The following ZC3H10 variants were observed in gnomAD, a reference collection of about 807,000 sequenced individuals.
ZC3H10 encodes the protein zinc finger CCCH-type containing 10.
Under a neutral mutation model 24.3 loss-of-function variants are expected in ZC3H10, and 12 were observed. That is an observed-to-expected ratio of 0.49 (90% CI 0.32 to 0.80). The LOEUF (loss-of-function observed/expected upper bound fraction) is 0.80. Among genes scored for constraint, ZC3H10 ranks in the 30% least tolerant of loss-of-function variants. The pLI is 0.04. For synonymous variants in ZC3H10, 226 were observed against 217.0 expected (o/e 1.04, Z -0.36); for missense variants, 360 against 576.3 (o/e 0.62, Z 3.84).
rs1869804012 is a variant in ZC3H10 at position 56,121,083 on chromosome 12, G to A, written c.521G>A (p.Gly174Asp). Residue 174 changes from glycine (G) to aspartate (D), a missense_variant, in exon 3 of 3, where the codon GGT becomes GAT. Gly to Asp is a moderately conservative substitution (Grantham distance 94). Around this residue, in one of 3 missense-constraint regions of ZC3H10, gnomAD observed 101 missense variants for 110.8 expected, o/e 0.91. Transcript: ENST00000257940. This position sits in a 1 kb window ranked among gnomAD's most constrained non-coding sequence, Gnocchi z 6.2. ...GATGCTCGGGGTGGAGGAGGCACTG[G>A]TGGGGGCTCAACAGGCTCAGTCCTC... ...EFDARGGGGT[G>D]GGSTGSVLPG... is the part of the protein sequence containing the mutation. 2 of 1,614,088 alleles carry A rather than the reference G, an allele frequency of 1.2e-6. No homozygotes were observed. The highest frequency in any genetic ancestry group is 1.7e-5 in the Admixed American group (1 of 60,010).
rs1869978232 is a variant in ZC3H10 at position 56,125,908 on chromosome 12, C to A, written c.*4041C>A. The A allele has an allele frequency of 6.6e-6, 1 of 151,948 alleles. No homozygotes were observed. Among genetic ancestry groups the A allele is most frequent in the South Asian group, 2.1e-4 (1 of 4,806 alleles). The allele number at this position is 151,948 out of a possible 1,614,324, so 9.4% of individuals were successfully genotyped here. ...TCAAGTGATTCTCCTGCCTCAGCCT[C>A]CCAAGTAGAGTAACTGGGATTACAG... On this transcript the variant is annotated 3_prime_UTR_variant, in exon 3 of 3. Coordinates refer to ENST00000257940, the MANE Select transcript of ZC3H10 (RefSeq NM_032786.3).
chr12:56,121,188 G>A lies in ZC3H10; in HGVS notation c.626G>A (p.Arg209His). 7 of 1,614,070 alleles carry A rather than the reference G, an allele frequency of 4.3e-6. No homozygotes were observed. The highest frequency in any genetic ancestry group is 5.9e-6 in the Non-Finnish European group (7 of 1,180,030). The change falls in exon 3 of 3, where the codon CGC (arginine) becomes CAC (histidine). Residue 209 changes from arginine (R) to histidine (H), a missense_variant. Coordinates refer to ENST00000257940, the MANE Select transcript of ZC3H10 (RefSeq NM_032786.3). The surrounding 1 kb of genome is among the most constrained non-coding windows in gnomAD (Gnocchi z 6.2). ...GAGGACCATGAGCCAGGCCCAAAAC[G>A]CCGGCGAGGTGGATGCTGCCCCCCT... ...GFEDHEPGPK[R>H]RRGGCCPPDG...
At position 56,123,830 on chromosome 12, in the gene ZC3H10, T is replaced by C. The variant is rs917477895; in HGVS notation, c.*1963T>C. On this transcript the variant is annotated 3_prime_UTR_variant, in exon 3 of 3. Transcript: ENST00000257940. ...ACTTTATTTCCTCCTTGCCAGGTTA[T>C]CTCCAAAGAGGTAGATTTGGGAAAT... is the stretch of plus-strand genomic sequence containing the variant. The C allele has an allele frequency of 2.6e-5, 4 of 152,216 alleles. No homozygotes were observed. Among genetic ancestry groups the C allele is most frequent in the Non-Finnish European group, 5.9e-5 (4 of 68,040 alleles). 9.4% of individuals were successfully genotyped at this position (152,216 alleles called of 1,614,324 possible). A position where few individuals can be genotyped will look rare whatever the true frequency, so the allele number is the denominator to read the frequency against.
rs1236526597 is a variant in ZC3H10, at chr12:56,120,555, G to A, written c.-8G>A. On this transcript the variant is annotated 5_prime_UTR_variant, in exon 3 of 3. Coordinates refer to ENST00000257940, the MANE Select transcript of ZC3H10 (RefSeq NM_032786.3). ...GATAAAGAAAACCCTGAGTTGGGCG[G>A]GACCAGGATGCCTGACCGGGACAGC... The A allele has an allele frequency of 2.0e-6, 3 of 1,530,170 alleles. No individual in the cohort carries two copies. The highest frequency in any genetic ancestry group is 2.6e-6 in the Non-Finnish European group (3 of 1,143,498). The allele number at this position is 1,530,170 out of a possible 1,614,324, so 94.8% of individuals were successfully genotyped here.
chr12:56,119,708 TAAAG>T (rs1869752322), intron 2 of ZC3H10: 1 of 151,914 alleles, frequency 6.6e-6, no homozygotes, highest in Non-Finnish European at 1.5e-5. Context: ...AGTCTATAAA[TAAAG>T]AGGATCTTTC....
rs1241508454 is a variant in ZC3H10, at chr12:56,121,158, G to A, written c.596G>A (p.Gly199Asp). The A allele has an allele frequency of 6.2e-7, 1 of 1,614,198 alleles. No homozygotes were observed. The highest frequency in any genetic ancestry group is 1.1e-5 in the South Asian group (1 of 91,086). ...GATATCTATGACCTTCCTGACAGGG[G>A]CTTTGAGGACCATGAGCCAGGCCCA... is the stretch of plus-strand genomic sequence containing the variant. ...LYDIYDLPDR[G>D]FEDHEPGPKR... Residue 199 changes from glycine to aspartate, a missense_variant, in exon 3 of 3, where the codon GGC becomes GAC. This residue lies in a region of ZC3H10 where 101 missense variants were observed against 110.8 expected (regional missense o/e 0.91). Coordinates refer to ENST00000257940, the MANE Select transcript of ZC3H10 (RefSeq NM_032786.3). The surrounding 1 kb of genome is among the most constrained non-coding windows in gnomAD (Gnocchi z 6.2).
rs932558687 is a variant in ZC3H10 at position 56,124,239 on chromosome 12, TAAACA to T, written c.*2376_*2380del. On this transcript the variant is annotated 3_prime_UTR_variant, in exon 3 of 3. Transcript: ENST00000257940. ...TTGCACACTGACCTTGTTTTGTGCT[TAAACA>T]AAATTGTGTAGTGATTTTGTTTTTT... is the stretch of plus-strand genomic sequence containing the variant. The T allele has an allele frequency of 6.6e-6, 1 of 152,270 alleles. No homozygotes were observed. Among genetic ancestry groups the T allele is most frequent in the Non-Finnish European group, 1.5e-5 (1 of 68,046 alleles). The allele number at this position is 152,270 out of a possible 1,614,324, so 9.4% of individuals were successfully genotyped here.
Position 56,124,032 on chromosome 12 carries a change from T to G in ZC3H10, c.*2165T>G, listed in dbSNP as rs1046444522. ...TAGGAACGACTTAGAGAACTTAGAC[T>G]TTGGTTAAGTGATTTTGGGGAAGAT... On this transcript the variant is annotated 3_prime_UTR_variant, in exon 3 of 3. Coordinates refer to ENST00000257940, the MANE Select transcript of ZC3H10 (RefSeq NM_032786.3). The G allele has an allele frequency of 3.9e-5, 6 of 152,206 alleles. No homozygotes were observed. The highest frequency in any genetic ancestry group is 1.4e-4 in the African/African-American group (6 of 41,446). The allele number at this position is 152,206 out of a possible 1,614,324, so 9.4% of individuals were successfully genotyped here.
At position 56,120,775 on chromosome 12, in the gene ZC3H10, G is replaced by A; in HGVS notation, c.213G>A (p.Val71=). 1 of 1,614,172 alleles carries A rather than the reference G, an allele frequency of 6.2e-7. No individual in the cohort carries two copies. Among genetic ancestry groups the A allele is most frequent in the Non-Finnish European group, 8.5e-7 (1 of 1,180,028 alleles). The change falls in exon 3 of 3, where the codon GTG becomes GTA. Residue 71 remains valine, a synonymous_variant. Coordinates refer to ENST00000257940, the MANE Select transcript of ZC3H10 (RefSeq NM_032786.3). ...PDMSEVSNLG[V]SKNEFIFCHD... ...TGAGCGAGGTGTCCAACTTGGGGGT[G>A]AGCAAAAACGAGTTCATCTTCTGCC...
chr12:56,120,706 T>C lies in ZC3H10; in HGVS notation c.144T>C (p.Asn48=), dbSNP rs373362361. The change falls in exon 3 of 3, where the codon AAT becomes AAC. Residue 48 remains asparagine (N), a synonymous_variant. Transcript: ENST00000257940. ...SDAICRDFLR[N]VCKRGKRCRY... ...CCATCTGTAGAGACTTCTTGAGGAA[T>C]GTGTGCAAGCGAGGCAAGCGTTGCC... is the stretch of plus-strand genomic sequence containing the variant. The C allele has an allele frequency of 7.4e-6, 12 of 1,613,790 alleles. No homozygotes were observed. Among genetic ancestry groups the C allele is most frequent in the East Asian group, 2.2e-5 (1 of 44,870 alleles).
chr12:56,124,728 A>C lies in ZC3H10; in HGVS notation c.*2861A>C, dbSNP rs186296327. 45 of 152,356 alleles carry C rather than the reference A, an allele frequency of 3.0e-4. No homozygotes were observed. Among genetic ancestry groups the C allele is most frequent in the Admixed American group, 2.6e-3 (40 of 15,294 alleles). 9.4% of individuals were successfully genotyped at this position (152,356 alleles called of 1,614,324 possible). Reference sequence around the variant, plus strand: ...ATCAACAGTAACACAGGAAGAGCTAAATAATATTCAAAGTGTCTGTAACTT... The same window carrying C: ...ATCAACAGTAACACAGGAAGAGCTACATAATATTCAAAGTGTCTGTAACTT... On this transcript the variant is annotated 3_prime_UTR_variant, in exon 3 of 3. Transcript: ENST00000257940.
rs767051817 is a variant in ZC3H10 at position 56,121,405 on chromosome 12, C to G, written c.843C>G (p.Val281=). The G allele has an allele frequency of 6.2e-7, 1 of 1,613,640 alleles. No individual in the cohort carries two copies. Among genetic ancestry groups the G allele is most frequent in the Non-Finnish European group, 8.5e-7 (1 of 1,179,692 alleles). The change falls in exon 3 of 3, where the codon GTC becomes GTG. Residue 281 remains valine, a synonymous_variant. Transcript: ENST00000257940. This position sits in a 1 kb window ranked among gnomAD's most constrained non-coding sequence, Gnocchi z 6.2. ...CTCAGTTCCGCAATCAGGCCAAGGT[C>G]ATAACCCTGAGCTCCACTGCACCAG... ...QNAQFRNQAK[V]ITLSSTAPAT...
rs531554160 is a variant in ZC3H10, at chr12:56,121,190, C to T, written c.628C>T (p.Arg210Trp). ...GGACCATGAGCCAGGCCCAAAACGCCGGCGAGGTGGATGCTGCCCCCCTGA... is the reference window on the plus strand; with the variant it reads ...GGACCATGAGCCAGGCCCAAAACGCTGGCGAGGTGGATGCTGCCCCCCTGA... ...FEDHEPGPKR[R>W]RGGCCPPDGP... Residue 210 changes from arginine to tryptophan, a missense_variant, in exon 3 of 3, where the codon CGG becomes TGG. Around this residue, in one of 3 missense-constraint regions of ZC3H10, gnomAD observed 101 missense variants for 110.8 expected, o/e 0.91. Transcript: ENST00000257940. This position sits in a 1 kb window ranked among gnomAD's most constrained non-coding sequence, Gnocchi z 6.2. 17 of 1,613,934 alleles carry T rather than the reference C, an allele frequency of 1.1e-5. No individual in the cohort carries two copies. Among genetic ancestry groups the T allele is most frequent in the East Asian group, 8.9e-5 (4 of 44,902 alleles).
Position 56,120,853 on chromosome 12 carries a change from C to T in ZC3H10, c.291C>T (p.Gly97=), listed in dbSNP as rs1349915526. Residue 97 remains glycine, a synonymous_variant, in exon 3 of 3, where the codon GGC becomes GGT. Transcript: ENST00000257940. ...GCCCAAATTGCCGTTTCATCCATGG[C>T]TCCAAGGAGGATGAGGATGGCTATA... ...CSRPNCRFIH[G]SKEDEDGYKK... The T allele has an allele frequency of 6.2e-7, 1 of 1,614,198 alleles. No homozygotes were observed. The highest frequency in any genetic ancestry group is 1.7e-5 in the Admixed American group (1 of 60,028).
chr12:56,126,340 C>T lies in ZC3H10; in HGVS notation c.*4473C>T, dbSNP rs538494529. 2.6e-5 allele frequency: 4 copies of T among 152,280 alleles called. No individual in the cohort carries two copies. In the East Asian group the frequency reaches 7.7e-4, roughly 29 times the overall value. The allele number at this position is 152,280 out of a possible 1,614,324, so 9.4% of individuals were successfully genotyped here. On this transcript the variant is annotated 3_prime_UTR_variant, in exon 3 of 3. Coordinates refer to ENST00000257940, the MANE Select transcript of ZC3H10 (RefSeq NM_032786.3). The stretch of plus-strand genomic sequence containing the variant: ...TTCCTGTTGTCCACTTACTGCTTAT[C>T]ACCACCAGGTGGCACCTGGGCAGCA...
chr12:56,125,081 G>A lies in ZC3H10; in HGVS notation c.*3214G>A, dbSNP rs1296492742. ...TTGTTCTAAATGTAATTTTTAAAGA[G>A]GGCCATTGACAAACCAGTGTGTTGC... On this transcript the variant is annotated 3_prime_UTR_variant, in exon 3 of 3. Transcript: ENST00000257940. 5.3e-5 allele frequency: 8 copies of A among 151,968 alleles called. No individual in the cohort carries two copies. Among genetic ancestry groups the A allele is most frequent in the Non-Finnish European group, 1.0e-4 (7 of 68,002 alleles). 9.4% of individuals were successfully genotyped at this position (151,968 alleles called of 1,614,324 possible).
Position 56,120,639 on chromosome 12 carries a change from C to A in ZC3H10, c.77C>A (p.Ala26Asp). 6.2e-7 allele frequency: 1 copy of A among 1,606,840 alleles called. No homozygotes were observed. The highest frequency in any genetic ancestry group is 1.1e-5 in the South Asian group (1 of 90,202). ...CCTGGAGGTGGTGGCAGCGAGGAGG[C>A]CAGTGGGGCAGGGGTAGGCAGTGGC... ...GGPGGGGSEEASGAGVGSGGA... is the reference protein window; with the variant it reads ...GGPGGGGSEEDSGAGVGSGGA... The change falls in exon 3 of 3, where the codon GCC becomes GAC. Residue 26 changes from alanine to aspartate, a missense_variant. Physicochemically the swap from Ala to Asp is moderately radical, Grantham distance 126. Coordinates refer to ENST00000257940, the MANE Select transcript of ZC3H10 (RefSeq NM_032786.3).
At position 56,120,672 on chromosome 12, in the gene ZC3H10, G is replaced by C; in HGVS notation, c.110G>C (p.Ser37Thr). ...SGAGVGSGGASSDAICRDFLR... is the reference protein window; with the variant it reads ...SGAGVGSGGATSDAICRDFLR... ...GCAGGGGTAGGCAGTGGCGGGGCCA[G>C]CTCAGATGCCATCTGTAGAGACTTC... Residue 37 changes from serine to threonine, a missense_variant, in exon 3 of 3, where the codon AGC becomes ACC. Transcript: ENST00000257940. 6.3e-7 allele frequency: 1 copy of C among 1,598,802 alleles called. No homozygotes were observed. The highest frequency in any genetic ancestry group is 8.5e-7 in the Non-Finnish European group (1 of 1,173,164).
rs1432501855 is a variant in ZC3H10 at position 56,122,794 on chromosome 12, A to C, written c.*927A>C. The C allele has an allele frequency of 6.6e-6, 1 of 152,286 alleles. No homozygotes were observed. Among genetic ancestry groups the C allele is most frequent in the Non-Finnish European group, 1.5e-5 (1 of 68,066 alleles). The allele number at this position is 152,286 out of a possible 1,614,324, so 9.4% of individuals were successfully genotyped here. A position where few individuals can be genotyped will look rare whatever the true frequency, so the allele number is the denominator to read the frequency against. On this transcript the variant is annotated 3_prime_UTR_variant, in exon 3 of 3. Coordinates refer to ENST00000257940, the MANE Select transcript of ZC3H10 (RefSeq NM_032786.3). ...CTCAGTAACCAGGGCTCCTAGGGTC[A>C]TTTAGCAGGGCAGGCAGTAAGGAGA...
Sources: allele counts gnomAD v4.1 joint callset, GRCh38; gene constraint gnomAD v4.1.1; regional missense constraint gnomAD v4.1.1; non-coding constraint Gnocchi (gnomAD v3.1); transcripts MANE v1.5; gene names NCBI Gene and HGNC (gene_info 2026-07-23, HGNC 2026-07-21).